CDH4: variants seen among roughly 807,000 people sequenced by gnomAD.
The protein encoded by CDH4 is cadherin 4.
Under a neutral mutation model 86.0 loss-of-function variants are expected in CDH4, and 33 were observed. That is an observed-to-expected ratio of 0.38 (90% CI 0.29 to 0.51). The LOEUF is 0.51. Among genes scored for constraint, CDH4 ranks in the 20% least tolerant of loss-of-function variants. CDH4 has a pLI of 0.86. For missense variants in CDH4, 1,114 were observed against 1,307.4 expected (o/e 0.85, Z 2.28); for synonymous variants, 555 against 549.4 (o/e 1.01, Z -0.14).
intron 4 of CDH4, among the ~76,000 whole-genome samples, chr20:61,786,161 C>T (rs758971699): frequency 2.6e-5 from 4 of 152,140 alleles, no homozygotes; most frequent in South Asian, 2.1e-4. Flanking sequence ...TTGGACCCCC[C>T]GTTCAAACAG....
In CDH4 at chr20:61,383,370, T is replaced by A. The variant is rs2084920378; in HGVS notation, c.169+128433T>A. 3.4e-5 allele frequency among the ~76,000 whole-genome samples: 3 copies of A among 88,206 alleles called. 1 individual carries two copies. The highest frequency in any genetic ancestry group is 6.4e-5 in the Non-Finnish European group (3 of 46,534). The allele number at this position is 88,206 out of a possible 152,430, so 57.9% of individuals were successfully genotyped here. Reference sequence around the variant, plus strand: ...ATGAATATATATGGATATATATGAATATATATGGATATATATGAATATATG... The same window carrying A: ...ATGAATATATATGGATATATATGAAAATATATGGATATATATGAATATATG... On this transcript the variant is annotated intron_variant, in intron 2 of 15. Coordinates refer to ENST00000614565, the MANE Select transcript of CDH4 (RefSeq NM_001794.5).
chr20:61,743,474 G>A (rs546702600), intron 2 of CDH4, 89 bp from the exon 3 acceptor site: 1 of 934,300 alleles, frequency 1.1e-6, no homozygotes, highest in South Asian at 1.5e-5. Context: ...CCCACTGGGG[G>A]CCTGTAGGGC....
At chr20:61,338,332 G>GT (rs1229196024) in intron 2 of CDH4, among the ~76,000 whole-genome samples, 1 of 152,146 alleles carries the variant, frequency 6.6e-6, no homozygotes, top group African/African-American at 2.4e-5. Flanking sequence ...GCCAGCAGAG[G>GT]TTTTTCCTGC....
intron 7 of CDH4, among the ~76,000 whole-genome samples, chr20:61,885,556 G>A (rs1557182): frequency 0.76 from 115,820 of 152,142 alleles, 46,060 homozygotes; most frequent in Non-Finnish European, 0.89. Context: ...TTGGCTGTTC[G>A]GCCCTTTTGG....
chr20:61,873,994 T>C (rs1983916104), intron 7 of CDH4, 94 bp downstream of exon 7: 7 of 1,360,244 alleles, frequency 5.1e-6, no homozygotes, highest in Non-Finnish European at 7.1e-6. Flanking sequence ...AGTGGCGCCG[T>C]CGGGGAGTGA....
At chr20:61,584,287 G>A (rs1353419037) in intron 2 of CDH4, among the ~76,000 whole-genome samples, 1 of 152,158 alleles carries the variant, frequency 6.6e-6, no homozygotes, top group East Asian at 1.9e-4. Flanking sequence ...TGGAATGTTC[G>A]TCCTGGCTTC....
At chr20:61,861,920 G>A (rs144727861) in intron 6 of CDH4, among the ~76,000 whole-genome samples, 14 of 152,296 alleles carry the variant, frequency 9.2e-5, no homozygotes, top group South Asian at 2.1e-4. Context: ...GCACTGTCCC[G>A]TTGAGAAACC....
At chr20:61,839,604 A>G (rs796786092) in intron 4 of CDH4, among the ~76,000 whole-genome samples, 16 of 148,052 alleles carry the variant, frequency 1.1e-4, no homozygotes, top group African/African-American at 4.0e-4. Context: ...TATTGAGTGT[A>G]TGTTGTGTGT....
rs1412823646 is a variant in CDH4 at position 61,743,769 on chromosome 20, T to A, written c.376T>A (p.Ser126Thr). 11 of 1,603,720 alleles carry A rather than the reference T, an allele frequency of 6.9e-6. No individual in the cohort carries two copies. The African/African-American group carries it at 9.4e-5, about 14-fold the overall frequency. The change falls in exon 3 of 16, where the codon TCC becomes ACC. Residue 126 changes from serine (S) to threonine (T), a missense_variant. Coordinates refer to ENST00000614565, the MANE Select transcript of CDH4 (RefSeq NM_001794.5). ...GCGGTTGCTGGTGGCCCAGACCTCG[T>A]CCCCGCACTCTGGACACAAGGTAAG... is the stretch of plus-strand genomic sequence containing the variant. ...VVRLLVAQTS[S>T]PHSGHKPQKG...
intron 8 of CDH4, among the ~76,000 whole-genome samples, chr20:61,897,011 G>A (rs1985158762): frequency 6.6e-6 from 1 of 152,160 alleles, no homozygotes. Context: ...TGGAGAACCG[G>A]CAGGATGTCC....
chr20:61,301,062 G>GT (rs1272530987), intron 2 of CDH4, among the ~76,000 whole-genome samples: 2 of 152,252 alleles, frequency 1.3e-5, no homozygotes, highest in African/African-American at 4.8e-5. Flanking sequence ...ACCTCGCAGT[G>GT]TGCCCGGGGC....
rs181770939 is a variant in CDH4 at position 61,478,632 on chromosome 20, A to G, written c.169+223695A>G. Among the ~76,000 whole-genome samples the G allele has an allele frequency of 1.1e-4, 17 of 152,190 alleles. No individual in the cohort carries two copies. The East Asian group carries it at 1.4e-3, about 12-fold the overall frequency. On this transcript the variant is annotated intron_variant, in intron 2 of 15. Coordinates refer to ENST00000614565, the MANE Select transcript of CDH4 (RefSeq NM_001794.5). ...TGGGCATCATGTCTTGATCTGGGGGAATATGTGTTGTGGTTCTACAGGTCT... is the reference window on the plus strand; with the variant it reads ...TGGGCATCATGTCTTGATCTGGGGGGATATGTGTTGTGGTTCTACAGGTCT...
chr20:61,554,916 T>C (rs2145678715), intron 2 of CDH4, among the ~76,000 whole-genome samples: 1 of 152,360 alleles, frequency 6.6e-6, no homozygotes, highest in Non-Finnish European at 1.5e-5. Flanking sequence ...GACATGTACA[T>C]GTGTGCTCGT....
rs143037140 is a variant in CDH4 at position 61,575,189 on chromosome 20, G to A, written c.170-168374G>A. 3.3e-4 allele frequency among the ~76,000 whole-genome samples: 51 copies of A among 152,274 alleles called. No individual in the cohort carries two copies. In the South Asian group the frequency reaches 4.1e-3, roughly 12 times the overall value. ...TCCAGAGGCTGAAGCCATTACCAGG[G>A]CCTAGTTTCTCTCTATTTCCACTAC... On this transcript the variant is annotated intron_variant, in intron 2 of 15. Transcript: ENST00000614565.
chr20:61,920,102 TGTGATTGGAAGCGTGTCACG>T, intron 9 of CDH4, among the ~76,000 whole-genome samples: 1 of 76,442 alleles, frequency 1.3e-5, no homozygotes, highest in African/African-American at 5.2e-5. Flanking sequence ...GGAAGCATGT[TGTGATTGGAAGCGTGTCACG>T]GTGATTGCGT....
At chr20:61,318,549 T>C (rs1026135708) in intron 2 of CDH4, among the ~76,000 whole-genome samples, 4 of 152,166 alleles carry the variant, frequency 2.6e-5, no homozygotes, top group African/African-American at 9.7e-5. Flanking sequence ...GGGTAGGGAT[T>C]GCTGGAGGCT....
chr20:61,790,255 C>A (rs960097295), intron 4 of CDH4, among the ~76,000 whole-genome samples: 1 of 151,858 alleles, frequency 6.6e-6, no homozygotes, highest in Non-Finnish European at 1.5e-5. Context: ...TCCATTCATC[C>A]ATTCATCTCT....
intron 2 of CDH4, among the ~76,000 whole-genome samples, chr20:61,648,578 C>A (rs956205685): frequency 4.6e-5 from 7 of 152,190 alleles, no homozygotes; most frequent in African/African-American, 1.7e-4. Context: ...TCTCGCCCAT[C>A]CTTTTCCCAT....
At chr20:61,294,118 C>T (rs1451616663) in intron 2 of CDH4, among the ~76,000 whole-genome samples, 1 of 152,176 alleles carries the variant, frequency 6.6e-6, no homozygotes, top group African/African-American at 2.4e-5. Context: ...CCCACGTCCT[C>T]ATGGGTGGTG....
Sources: allele counts gnomAD v4.1 joint callset (sites outside exome capture counted in the v4.1 genomes callset), GRCh38; gene constraint gnomAD v4.1.1; transcripts MANE v1.5; gene names NCBI Gene and HGNC (gene_info 2026-07-23, HGNC 2026-07-21).